Variants in UMOD observed in about 807,000 individuals in gnomAD.
The protein encoded by UMOD is uromodulin.
UMOD carries 64 observed loss-of-function variants against 66.0 expected under a neutral mutation model. The observed-to-expected ratio is 0.97, with a 90% CI of 0.79 to 1.19. The LOEUF (loss-of-function observed/expected upper bound fraction) is 1.19. UMOD is among the 50% of genes most tolerant of loss of function. The pLI is 0.00. For missense variants in UMOD, 764 were observed against 850.9 expected, an observed-to-expected ratio of 0.90 and a Z score of 1.27; for synonymous variants, 398 against 352.7, an observed-to-expected ratio of 1.13 and a Z score of -1.44.
chr16:20,354,249 C>T (rs1249977586), upstream of UMOD, among the ~76,000 whole-genome samples: 1 of 152,158 alleles, frequency 6.6e-6, no homozygotes, highest in Non-Finnish European at 1.5e-5. Context: ...GGTAGGGTAA[C>T]CACTGGCACT....
At position 20,336,636 on chromosome 16, in the gene UMOD, GCT is replaced by G. The variant is rs747838080; in HGVS notation, c.1822+8_1822+9del. On this transcript the variant is annotated splice_region_variant and intron_variant, in intron 9 of 10. Transcript: ENST00000396138. ...AGCCAGGAATGTTGAGGAGCGAGTG[GCT>G]CTCTTACCTTTCCGTGTGATGGGAC... 19 of 1,612,804 alleles carry G rather than the reference GCT, an allele frequency of 1.2e-5. 1 individual carries two copies. The Middle Eastern group carries it at 9.9e-4, about 84-fold the overall frequency.
At position 20,344,008 on chromosome 16, in the gene UMOD, C is replaced by A; in HGVS notation, c.1331+16G>T. On this transcript the variant is annotated intron_variant, in intron 6 of 10. Coordinates refer to ENST00000396138, the MANE Select transcript of UMOD (RefSeq NM_003361.4). ...TAGAACCATCTAGGGGCCCTAGGGA[C>A]CCTCTCTGGCCACACCTGACCATTG... The A allele has an allele frequency of 6.2e-7, 1 of 1,613,120 alleles. No individual in the cohort carries two copies. The highest frequency in any genetic ancestry group is 1.1e-5 in the South Asian group (1 of 91,004).
intron 6 of UMOD, among the ~76,000 whole-genome samples, chr16:20,342,016 T>G (rs975531831): frequency 3.3e-5 from 5 of 152,200 alleles, no homozygotes; most frequent in African/African-American, 9.6e-5. Context: ...AGAACTGAGT[T>G]ATCAGTGAAG....
chr16:20,337,573 A>T, intron 7 of UMOD, 120 bp from the exon 8 acceptor site: 1 of 1,185,898 alleles, frequency 8.4e-7, no homozygotes, highest in East Asian at 2.4e-5. Flanking sequence ...AACTTATTTA[A>T]TCTCTGTGTA....
rs1245917686 is a variant in UMOD at position 20,337,340 on chromosome 16, A to G, written c.1691T>C (p.Leu564Pro). The G allele has an allele frequency of 6.2e-7, 1 of 1,614,226 alleles. No homozygotes were observed. Among genetic ancestry groups the G allele is most frequent in the Non-Finnish European group, 8.5e-7 (1 of 1,180,040 alleles). ...GTCACAGAGATAGACTTCACAGTGC[A>G]GGTAGACTAGGTCATAGTTTCCAGC... The part of the protein sequence containing the change: ...RFAGNYDLVY[L>P]HCEVYLCDTM... The change falls in exon 8 of 11, where the codon CTG (leucine) becomes CCG (proline). Residue 564 changes from leucine to proline, a missense_variant. By Grantham distance (98) the Leu-to-Pro change is moderately conservative. Coordinates refer to ENST00000396138, the MANE Select transcript of UMOD (RefSeq NM_003361.4).
rs769806862 is a variant in UMOD at position 20,350,661 on chromosome 16, G to A, written c.77C>T (p.Thr26Ile). 1 of 1,614,154 alleles carries A rather than the reference G, an allele frequency of 6.2e-7. No individual in the cohort carries two copies. Among genetic ancestry groups the A allele is most frequent in the Non-Finnish European group, 8.5e-7 (1 of 1,180,026 alleles). ...SWFITTAATD[T>I]SEARWCSECH... Reference sequence around the variant, plus strand: ...CACTTTTCACTTACTTGCTTCTGAGGTGTCAGTGGCTGCAGTTGTGATGAA... The same window carrying A: ...CACTTTTCACTTACTTGCTTCTGAGATGTCAGTGGCTGCAGTTGTGATGAA... The change falls in exon 2 of 11, where the codon ACC becomes ATC. Residue 26 changes from threonine to isoleucine, a missense_variant. Coordinates refer to ENST00000396138, the MANE Select transcript of UMOD (RefSeq NM_003361.4).
rs562726925 is a variant in UMOD, at chr16:20,337,408, C to A, written c.1623G>T (p.Gly541=). Reference sequence around the variant, plus strand: ...CGGAAAATCGGCCCTGGGAGGACTCCCCATTCTCCACCACTTGGATAGTTG... The same window carrying A: ...CGGAAAATCGGCCCTGGGAGGACTCACCATTCTCCACCACTTGGATAGTTG... ...RDSTIQVVEN[G]ESSQGRFSVQ... Residue 541 remains glycine (G), a synonymous_variant, in exon 8 of 11, where the codon GGG becomes GGT. Transcript: ENST00000396138. 85 of 1,614,104 alleles carry A rather than the reference C, an allele frequency of 5.3e-5. No individual in the cohort carries two copies. The East Asian group carries it at 1.6e-3, about 30-fold the overall frequency.
chr16:20,350,228 C>T (rs1965824896), intron 2 of UMOD, among the ~76,000 whole-genome samples: 3 of 152,112 alleles, frequency 2.0e-5, no homozygotes, highest in Admixed American at 2.0e-4. Flanking sequence ...ATGGAATGAC[C>T]TCTTAAAGTT....
intron 9 of UMOD, 102 bp from the exon 10 acceptor site, chr16:20,335,622 C>A: frequency 8.2e-7 from 1 of 1,216,462 alleles, no homozygotes; most frequent in East Asian, 2.4e-5. Context: ...CGCAGCCAGA[C>A]TGATCTCTTC....
At chr16:20,333,999 A>C (rs1463908117) in intron 10 of UMOD, among the ~76,000 whole-genome samples, 2 of 133,768 alleles carry the variant, frequency 1.5e-5, no homozygotes, top group African/African-American at 2.9e-5. Flanking sequence ...TCACCACTGC[A>C]CTCCAGCCTG....
intron 8 of UMOD, 68 bp from the exon 9 acceptor site, chr16:20,336,795 G>A (rs1964898673): frequency 3.5e-6 from 5 of 1,437,406 alleles, no homozygotes; most frequent in South Asian, 1.2e-5. Flanking sequence ...GCCACGTGGA[G>A]TGGACTGCCC....
rs562506640 is a variant in UMOD at position 20,338,023 on chromosome 16, G to A, written c.1578-570C>T. Among the ~76,000 whole-genome samples, 4 of 152,250 alleles carry A rather than the reference G, an allele frequency of 2.6e-5. No individual in the cohort carries two copies. The South Asian group carries it at 8.3e-4, about 32-fold the overall frequency. On this transcript the variant is annotated intron_variant, in intron 7 of 10. Transcript: ENST00000396138. Reference sequence around the variant, plus strand: ...GGATACCCATAGGCTTTCTGGGGAGGCAAACTGGGCACCCCCTCTGCCATT... The same window carrying A: ...GGATACCCATAGGCTTTCTGGGGAGACAAACTGGGCACCCCCTCTGCCATT...
At position 20,336,659 on chromosome 16, in the gene UMOD, G is replaced by T; in HGVS notation, c.1809C>A (p.Pro603=). ...TGGCTCTCTTACCTTTCCGTGTGAT[G>T]GGACCCAAGTTCAGGACACGGGATT... is the stretch of plus-strand genomic sequence containing the variant. ...IDQSRVLNLG[P]ITRKGVQATV... is the part of the protein sequence containing the mutation. Residue 603 remains proline, a synonymous_variant, in exon 9 of 11, where the codon CCC becomes CCA. Coordinates refer to ENST00000396138, the MANE Select transcript of UMOD (RefSeq NM_003361.4). 1 of 1,614,050 alleles carries T rather than the reference G, an allele frequency of 6.2e-7. No individual in the cohort carries two copies. Among genetic ancestry groups the T allele is most frequent in the Non-Finnish European group, 8.5e-7 (1 of 1,179,938 alleles).
intron 4 of UMOD, among the ~76,000 whole-genome samples, chr16:20,347,259 G>A (rs2141669900): frequency 6.6e-6 from 1 of 152,240 alleles, no homozygotes; most frequent in South Asian, 2.1e-4. Context: ...CTGACCTCAG[G>A]TGATCTGCCC....
At chr16:20,342,174 G>A (rs1019345232) in intron 6 of UMOD, among the ~76,000 whole-genome samples, 3 of 152,208 alleles carry the variant, frequency 2.0e-5, no homozygotes, top group Non-Finnish European at 4.4e-5. Context: ...ACAAGACCCT[G>A]TCTCTATAAA....
At chr16:20,335,459 C>G (rs1404348765) in intron 10 of UMOD, 23 bp downstream of exon 10, 6 of 1,613,154 alleles carry the variant, frequency 3.7e-6, no homozygotes, top group Non-Finnish European at 5.1e-6. Context: ...ACAGGTCCCA[C>G]TGCAGAAAGG....
At position 20,349,218 on chromosome 16, in the gene UMOD, G is replaced by A. The variant is rs555163537; in HGVS notation, c.89-6C>T. ...GTGACATTCAGAGCACCATCCTGTG[G>A]ACAGAAAAGCCCAGCTTCAGGGTTT... On this transcript the variant is annotated splice_region_variant and splice_polypyrimidine_tract_variant and intron_variant, in intron 2 of 10. Coordinates refer to ENST00000396138, the MANE Select transcript of UMOD (RefSeq NM_003361.4). 6.2e-7 allele frequency: 1 copy of A among 1,612,540 alleles called. No homozygotes were observed. The highest frequency in any genetic ancestry group is 1.3e-5 in the African/African-American group (1 of 75,014).
intron 10 of UMOD, among the ~76,000 whole-genome samples, 186 bp from the exon 11 acceptor site, chr16:20,333,561 T>G (rs777353695): frequency 2.6e-5 from 4 of 152,192 alleles, no homozygotes; most frequent in Non-Finnish European, 4.4e-5. Context: ...AAGATAATCT[T>G]TCCTCCGGCA....
chr16:20,341,209 C>T lies in UMOD; in HGVS notation c.1459G>A (p.Val487Met), dbSNP rs375158769. Residue 487 changes from valine (V) to methionine (M), a missense_variant, in exon 7 of 11, where the codon GTG (valine) becomes ATG (methionine). Physicochemically the swap from Val to Met is conservative, Grantham distance 21 (BLOSUM62 1). Coordinates refer to ENST00000396138, the MANE Select transcript of UMOD (RefSeq NM_003361.4). ...VTLSTEAFLY[V>M]GTMLDGGDLS... Reference sequence around the variant, plus strand: ...TCGCCCCCATCCAACATGGTGCCCACGTAGAGAAAAGCCTCAGTGGACAGT... The same window carrying T: ...TCGCCCCCATCCAACATGGTGCCCATGTAGAGAAAAGCCTCAGTGGACAGT... The T allele has an allele frequency of 1.2e-5, 19 of 1,613,886 alleles. No individual in the cohort carries two copies. In the Admixed American group the frequency reaches 2.3e-4, roughly 20 times the overall value.
Sources: allele counts gnomAD v4.1 joint callset (sites outside exome capture counted in the v4.1 genomes callset), GRCh38; gene constraint gnomAD v4.1.1; transcripts MANE v1.5; gene names NCBI Gene and HGNC (gene_info 2026-07-23, HGNC 2026-07-21).